Variants in FOXK1 observed in about 807,000 individuals in gnomAD.
FOXK1 encodes the protein forkhead box K1, also known as forkhead box protein K1.
Under a neutral mutation model 51.9 loss-of-function variants are expected in FOXK1, and 19 were observed. The observed-to-expected ratio is 0.37, with a 90% CI of 0.26 to 0.54. The LOEUF (loss-of-function observed/expected upper bound fraction) is 0.54, where lower values mean the gene tolerates loss of function less well. FOXK1 is among the 20% of genes least tolerant of loss of function. FOXK1 has a pLI of 0.87. For missense variants in FOXK1, 870 were observed against 1,032.7 expected, an observed-to-expected ratio of 0.84 and a Z score of 2.16; for synonymous variants, 537 against 482.6, an observed-to-expected ratio of 1.11 and a Z score of -1.48.
chr7:4,765,878 G>A lies in FOXK1; in HGVS notation c.*3414G>A, dbSNP rs749220026. The stretch of plus-strand genomic sequence containing the variant: ...GGCCATTTGGTGGCCCCTGGGAAGT[G>A]GGGAAGCAGGGCCTGAGCGTCCCCA... On this transcript the variant is annotated 3_prime_UTR_variant, in exon 9 of 9. Transcript: ENST00000328914. 6.6e-6 allele frequency: 1 copy of A among 152,254 alleles called. No homozygotes were observed. Among genetic ancestry groups the A allele is most frequent in the Non-Finnish European group, 1.5e-5 (1 of 68,068 alleles). 9.4% of individuals were successfully genotyped at this position (152,254 alleles called of 1,614,324 possible).
At chr7:4,727,059 C>G (rs918579058) in intron 1 of FOXK1, among the ~76,000 whole-genome samples, 21 of 152,246 alleles carry the variant, frequency 1.4e-4, no homozygotes, top group Middle Eastern at 3.4e-3. Context: ...ATCCTCCTGC[C>G]TCAGTCTCCT....
intron 1 of FOXK1, among the ~76,000 whole-genome samples, chr7:4,710,045 T>G (rs1211613119): frequency 6.6e-6 from 1 of 152,230 alleles, no homozygotes; most frequent in Non-Finnish European, 1.5e-5. Context: ...CACTTCTTCT[T>G]ACGGTTTTAA....
At chr7:4,728,322 C>A (rs1780406568) in intron 1 of FOXK1, among the ~76,000 whole-genome samples, 2 of 152,206 alleles carry the variant, frequency 1.3e-5, no homozygotes, top group African/African-American at 4.8e-5. Context: ...TTTGGAATTT[C>A]CAAAGAGCAC....
intron 2 of FOXK1, among the ~76,000 whole-genome samples, chr7:4,746,711 C>G (rs1430085306): frequency 6.6e-6 from 1 of 152,160 alleles, no homozygotes; most frequent in Non-Finnish European, 1.5e-5. Context: ...TTAAAAAACA[C>G]AAGTTTGTGG....
intron 1 of FOXK1, among the ~76,000 whole-genome samples, chr7:4,732,225 C>T (rs1469526037): frequency 6.6e-6 from 1 of 152,224 alleles, no homozygotes; most frequent in African/African-American, 2.4e-5. Flanking sequence ...GTTCAGTCCA[C>T]AAGAACTCTG....
At position 4,756,106 on chromosome 7, in the gene FOXK1, G is replaced by A. The variant is rs536025644; in HGVS notation, c.1050+723G>A. Among the ~76,000 whole-genome samples the A allele has an allele frequency of 5.9e-5, 9 of 151,948 alleles. No homozygotes were observed. The South Asian group carries it at 1.7e-3, about 28-fold the overall frequency. On this transcript the variant is annotated intron_variant, in intron 4 of 8. Coordinates refer to ENST00000328914, the MANE Select transcript of FOXK1 (RefSeq NM_001037165.2). This position sits in a 1 kb window ranked among gnomAD's most constrained non-coding sequence, Gnocchi z 4.1. ...TCAGTGTAGCGCATCCACTAGCTTT[G>A]GTTTTTTGTTTGTTTGTTTGTTTTT...
chr7:4,757,653 A>G (rs923804672), intron 5 of FOXK1, among the ~76,000 whole-genome samples: 1 of 150,610 alleles, frequency 6.6e-6, no homozygotes, highest in African/African-American at 2.4e-5. Context: ...AAAAAAAAAA[A>G]AAAAAAAAAA....
rs1268935547 is a variant in FOXK1 at position 4,733,385 on chromosome 7, C to T, written c.561-7453C>T. On this transcript the variant is annotated intron_variant, in intron 1 of 8. Transcript: ENST00000328914. This position sits in a 1 kb window ranked among gnomAD's most constrained non-coding sequence, Gnocchi z 5.0. ...TGGAGGCACCAGACTTTTTCTATTA[C>T]GTTGCTTGTTGCTCCGTTATGCAGT... Among the ~76,000 whole-genome samples the T allele has an allele frequency of 6.6e-5, 10 of 152,150 alleles. No individual in the cohort carries two copies. The highest frequency in any genetic ancestry group is 1.9e-4 in the East Asian group (1 of 5,194).
rs1780697536 is a variant in FOXK1 at position 4,745,966 on chromosome 7, G to C, written c.746+4943G>C. Reference sequence around the variant, plus strand: ...GTTAATCATTTTCTAGGTTCCATCAGACAGACACCAGTCTAAAAAGTGTTC... The same window carrying C: ...GTTAATCATTTTCTAGGTTCCATCACACAGACACCAGTCTAAAAAGTGTTC... On this transcript the variant is annotated intron_variant, in intron 2 of 8. Coordinates refer to ENST00000328914, the MANE Select transcript of FOXK1 (RefSeq NM_001037165.2). The surrounding 1 kb of genome is among the most constrained non-coding windows in gnomAD (Gnocchi z 4.3). Among the ~76,000 whole-genome samples the C allele has an allele frequency of 6.6e-6, 1 of 152,174 alleles. No homozygotes were observed. The highest frequency in any genetic ancestry group is 2.4e-5 in the African/African-American group (1 of 41,448).
rs1057372008 is a variant in FOXK1, at chr7:4,743,736, G to C, written c.746+2713G>C. 1.0e-3 allele frequency among the ~76,000 whole-genome samples: 152 copies of C among 152,298 alleles called. No individual in the cohort carries two copies. Among genetic ancestry groups the C allele is most frequent in the African/African-American group, 3.6e-3 (150 of 41,560 alleles). Reference sequence around the variant, plus strand: ...GAAGAGGCTGGTCCTGCTGCTTTTGGGGCGGGTAGCAAAGGCCTCAGGTCC... The same window carrying C: ...GAAGAGGCTGGTCCTGCTGCTTTTGCGGCGGGTAGCAAAGGCCTCAGGTCC... On this transcript the variant is annotated intron_variant, in intron 2 of 8. Coordinates refer to ENST00000328914, the MANE Select transcript of FOXK1 (RefSeq NM_001037165.2). This position sits in a 1 kb window ranked among gnomAD's most constrained non-coding sequence, Gnocchi z 5.3.
intron 2 of FOXK1, among the ~76,000 whole-genome samples, chr7:4,742,703 C>T (rs1780651030): frequency 6.6e-6 from 1 of 152,194 alleles, no homozygotes; most frequent in South Asian, 2.1e-4. Context: ...AGGTGTGAGC[C>T]AACACACCCA....
rs533492196 is a variant in FOXK1 at position 4,768,349 on chromosome 7, G to C, written c.*5885G>C. ...GGGTTTCACCGTGTTAGCCAGGATG[G>C]TCTCGATCTCCTGACCTCGTGATCC... On this transcript the variant is annotated 3_prime_UTR_variant, in exon 9 of 9. Coordinates refer to ENST00000328914, the MANE Select transcript of FOXK1 (RefSeq NM_001037165.2). 1.4e-5 allele frequency: 2 copies of C among 138,326 alleles called. 1 individual carries two copies. Among genetic ancestry groups the C allele is most frequent in the African/African-American group, 6.8e-5 (2 of 29,520 alleles). The allele number at this position is 138,326 out of a possible 1,614,324, so 8.6% of individuals were successfully genotyped here. A position where few individuals can be genotyped will look rare whatever the true frequency, so the allele number is the denominator to read the frequency against.
rs1454933701 is a variant in FOXK1, at chr7:4,771,212, T to A, written c.*8748T>A. Reference sequence around the variant, plus strand: ...CAAGTGGGATACAGTATTTTTTTAATAAGGAGCCATACTTTTTTTTAAGAG... The same window carrying A: ...CAAGTGGGATACAGTATTTTTTTAAAAAGGAGCCATACTTTTTTTTAAGAG... On this transcript the variant is annotated 3_prime_UTR_variant, in exon 9 of 9. Coordinates refer to ENST00000328914, the MANE Select transcript of FOXK1 (RefSeq NM_001037165.2). 6.9e-6 allele frequency: 1 copy of A among 145,904 alleles called. No homozygotes were observed. Among genetic ancestry groups the A allele is most frequent in the Non-Finnish European group, 1.5e-5 (1 of 67,304 alleles). 9.0% of individuals were successfully genotyped at this position (145,904 alleles called of 1,614,324 possible). A position where few individuals can be genotyped will look rare whatever the true frequency, so the allele number is the denominator to read the frequency against.
At chr7:4,716,674 G>C (rs75492160) in intron 1 of FOXK1, among the ~76,000 whole-genome samples, 6,188 of 152,282 alleles carry the variant, frequency 0.041, 212 homozygotes, top group Middle Eastern at 0.095. Context: ...TTGGAAGCGG[G>C]TGAGTACAGA....
chr7:4,715,251 A>C lies in FOXK1; in HGVS notation c.561-25587A>C, dbSNP rs907303924. Among the ~76,000 whole-genome samples the C allele has an allele frequency of 3.1e-5, 4 of 128,082 alleles. No homozygotes were observed. Among genetic ancestry groups the C allele is most frequent in the African/African-American group, 1.4e-4 (4 of 29,202 alleles). 84.0% of individuals were successfully genotyped at this position (128,082 alleles called of 152,430 possible). On this transcript the variant is annotated intron_variant, in intron 1 of 8. Transcript: ENST00000328914. The surrounding 1 kb of genome is among the most constrained non-coding windows in gnomAD (Gnocchi z 4.5). ...ATATCGGGCATGGCGAAATTGTGAT[A>C]CGGTGCATGGTGTTTTGTTTCAAGG... is the stretch of plus-strand genomic sequence containing the variant.
Position 4,755,189 on chromosome 7 carries a change from C to T in FOXK1, c.904-48C>T. 1 of 1,602,930 alleles carries T rather than the reference C, an allele frequency of 6.2e-7. No individual in the cohort carries two copies. Among genetic ancestry groups the T allele is most frequent in the Non-Finnish European group, 8.5e-7 (1 of 1,172,984 alleles). On this transcript the variant is annotated intron_variant, in intron 3 of 8. Transcript: ENST00000328914. The surrounding 1 kb of genome is among the most constrained non-coding windows in gnomAD (Gnocchi z 6.6). Reference sequence around the variant, plus strand: ...AGCTGTGACGGGTGGGTGGGGTAGACTCAGGGACCTTGCTGGAGCTCATCC... The same window carrying T: ...AGCTGTGACGGGTGGGTGGGGTAGATTCAGGGACCTTGCTGGAGCTCATCC...
In FOXK1 at chr7:4,748,111, T is replaced by C. The variant is rs1021930571; in HGVS notation, c.747-6348T>C. On this transcript the variant is annotated intron_variant, in intron 2 of 8. Coordinates refer to ENST00000328914, the MANE Select transcript of FOXK1 (RefSeq NM_001037165.2). The surrounding 1 kb of genome is among the most constrained non-coding windows in gnomAD (Gnocchi z 4.9). Reference sequence around the variant, plus strand: ...AAATTTTCTTTCCCTATTTGTTTATTTTTCCTTTTTCAGATTACGAAGAGA... The same window carrying C: ...AAATTTTCTTTCCCTATTTGTTTATCTTTCCTTTTTCAGATTACGAAGAGA... 2.0e-5 allele frequency among the ~76,000 whole-genome samples: 3 copies of C among 152,178 alleles called. No individual in the cohort carries two copies. Among genetic ancestry groups the C allele is most frequent in the African/African-American group, 7.2e-5 (3 of 41,434 alleles).
Position 4,730,365 on chromosome 7 carries a change from G to C in FOXK1, c.561-10473G>C, listed in dbSNP as rs370913244. On this transcript the variant is annotated intron_variant, in intron 1 of 8. Transcript: ENST00000328914. The surrounding 1 kb of genome is among the most constrained non-coding windows in gnomAD (Gnocchi z 4.7). ...GTGTCTCTGACCACCCTGCTACCCA[G>C]CTTGCCACCGCTGTCAGCCGTGGGG... Among the ~76,000 whole-genome samples the C allele has an allele frequency of 6.6e-6, 1 of 152,218 alleles. No homozygotes were observed. Among genetic ancestry groups the C allele is most frequent in the Admixed American group, 6.5e-5 (1 of 15,274 alleles).
At chr7:4,694,351 C>G (rs192664844) in intron 1 of FOXK1, among the ~76,000 whole-genome samples, 2 of 152,236 alleles carry the variant, frequency 1.3e-5, no homozygotes, top group East Asian at 3.9e-4. Flanking sequence ...CATTTTCTCC[C>G]TCCCCAGTCT....
Sources: gnomAD v4.1 joint callset for allele counts (sites outside exome capture counted in the v4.1 genomes callset) on GRCh38, gnomAD v4.1.1 for gene constraint, Gnocchi (gnomAD v3.1) non-coding constraint, MANE v1.5 for transcripts, NCBI Gene and HGNC (gene_info 2026-07-23, HGNC 2026-07-21) for gene names.